The following DDR2 variants were observed in gnomAD, a reference collection of about 807,000 sequenced individuals.
DDR2 encodes discoidin domain receptor tyrosine kinase 2.
A neutral mutation model predicts 94.9 loss-of-function variants in DDR2; 27 were observed. That is an observed-to-expected ratio of 0.28 (90% CI 0.21 to 0.39). DDR2 has a LOEUF of 0.39. Ranked by LOEUF, DDR2 falls within the 10% of genes least tolerant of loss-of-function variation. DDR2 has a pLI of 1.00. For missense variants in DDR2, 783 were observed against 1,076.0 expected (o/e 0.73, Z 3.81); for synonymous variants, 382 against 377.2 (o/e 1.01, Z -0.15).
chr1:162,767,224 C>T lies in DDR2; in HGVS notation c.1163-5C>T. 1 of 1,614,014 alleles carries T rather than the reference C, an allele frequency of 6.2e-7. No homozygotes were observed. The highest frequency in any genetic ancestry group is 8.5e-7 in the Non-Finnish European group (1 of 1,179,968). On this transcript the variant is annotated splice_polypyrimidine_tract_variant and splice_region_variant and intron_variant, in intron 10 of 17. Coordinates refer to ENST00000367921, the MANE Select transcript of DDR2 (RefSeq NM_006182.4). ...GTATTCTCTGCCTTCTCTCCCTGGT[C>T]ACAGATCCAATGCTTAAAGTTGATG...
Position 162,642,571 on chromosome 1 carries a change from T to C in DDR2, c.-192+9940T>C, listed in dbSNP as rs1571134560. ...TCCCAAAATGCTGGGATTACAGGCG[T>C]GAGCCACCGTGCCTGGCCTGTTTTA... is the stretch of plus-strand genomic sequence containing the variant. On this transcript the variant is annotated intron_variant, in intron 1 of 17. Coordinates refer to ENST00000367921, the MANE Select transcript of DDR2 (RefSeq NM_006182.4). Among the ~76,000 whole-genome samples the C allele has an allele frequency of 5.9e-5, 9 of 152,012 alleles. 1 individual carries two copies. Among genetic ancestry groups the C allele is most frequent in the Admixed American group, 5.9e-4 (9 of 15,264 alleles).
Position 162,756,202 on chromosome 1 carries a change from G to T in DDR2, c.671+433G>T, listed in dbSNP as rs182758840. ...TATACATATAAATGCTTTGAAATTTGTAAAAAGGGGACTAGTAAGACTTAC... is the reference window on the plus strand; with the variant it reads ...TATACATATAAATGCTTTGAAATTTTTAAAAAGGGGACTAGTAAGACTTAC... On this transcript the variant is annotated intron_variant, in intron 7 of 17. Coordinates refer to ENST00000367921, the MANE Select transcript of DDR2 (RefSeq NM_006182.4). Among the ~76,000 whole-genome samples, 87 of 152,284 alleles carry T rather than the reference G, an allele frequency of 5.7e-4. 1 individual carries two copies. The highest frequency in any genetic ancestry group is 1.9e-3 in the African/African-American group (80 of 41,582).
chr1:162,770,205 G>C, intron 11 of DDR2, 97 bp from the exon 12 acceptor site: 1 of 1,211,006 alleles, frequency 8.3e-7, no homozygotes, highest in East Asian at 2.3e-5. Flanking sequence ...GTAGTAAAGA[G>C]TTATTTCATT....
chr1:162,661,241 C>A (rs921700655), intron 2 of DDR2, among the ~76,000 whole-genome samples: 12 of 152,166 alleles, frequency 7.9e-5, no homozygotes, highest in African/African-American at 2.4e-4. Flanking sequence ...ACTCCCTCCT[C>A]CACAAATTGA....
At chr1:162,701,299 C>G (rs994250104) in intron 2 of DDR2, among the ~76,000 whole-genome samples, 2 of 152,188 alleles carry the variant, frequency 1.3e-5, no homozygotes, top group African/African-American at 4.8e-5. Flanking sequence ...GCCTGATATC[C>G]TAGTTTTGCC....
At chr1:162,648,721 A>G (rs1312197644) in intron 1 of DDR2, among the ~76,000 whole-genome samples, 1 of 152,102 alleles carries the variant, frequency 6.6e-6, no homozygotes, top group African/African-American at 2.4e-5. Flanking sequence ...GTGCAGAAAG[A>G]AAAGCCAGAG....
intron 14 of DDR2, among the ~76,000 whole-genome samples, chr1:162,774,462 G>T (rs1647411064): frequency 6.6e-6 from 1 of 152,120 alleles, no homozygotes; most frequent in African/African-American, 2.4e-5. Flanking sequence ...GTCTTGCAAT[G>T]GACAAGATGT....
rs572206919 is a variant in DDR2, at chr1:162,785,137, A to T, written c.*4891A>T. ...AACAATCCAAGACAAACTTAGAAAG[A>T]TTAGGCAACACAAAACACAGTAAGA... On this transcript the variant is annotated 3_prime_UTR_variant, in exon 18 of 18. Transcript: ENST00000367921. 5.7e-4 allele frequency: 87 copies of T among 152,354 alleles called. No individual in the cohort carries two copies. Among genetic ancestry groups the T allele is most frequent in the African/African-American group, 2.0e-3 (84 of 41,588 alleles). The allele number at this position is 152,354 out of a possible 1,614,324, so 9.4% of individuals were successfully genotyped here. A position where few individuals can be genotyped will look rare whatever the true frequency, so the allele number is the denominator to read the frequency against.
chr1:162,679,450 G>C (rs1355360892), intron 2 of DDR2, among the ~76,000 whole-genome samples: 1 of 152,160 alleles, frequency 6.6e-6, no homozygotes, highest in African/African-American at 2.4e-5. Flanking sequence ...GGAGCCTCCA[G>C]CTCCATCCAT....
At chr1:162,765,663 T>A (rs1663954267) in intron 9 of DDR2, among the ~76,000 whole-genome samples, 1 of 151,690 alleles carries the variant, frequency 6.6e-6, no homozygotes, top group South Asian at 2.1e-4. Flanking sequence ...ATTTACCCGC[T>A]ATATTCTGTC....
chr1:162,711,324 A>G (rs542450184), intron 2 of DDR2, among the ~76,000 whole-genome samples: 3 of 152,338 alleles, frequency 2.0e-5, no homozygotes, highest in Admixed American at 6.5e-5. Context: ...ATATTTTTAT[A>G]TACTGAATGT....
chr1:162,761,251 T>C lies in DDR2; in HGVS notation c.896T>C (p.Phe299Ser), dbSNP rs140918772. The stretch of plus-strand genomic sequence containing the variant: ...ATGTTTGCTAAAGGTGTGAAGATCT[T>C]TAAGGAGGTACAGTGCTACTTCCGC... Reference protein sequence around the residue: ...NNMFAKGVKIFKEVQCYFRSE... With the variant: ...NNMFAKGVKISKEVQCYFRSE... Residue 299 changes from phenylalanine to serine, a missense_variant, in exon 9 of 18, where the codon TTT becomes TCT. Phe to Ser is a radical substitution (Grantham distance 155). Around this residue, in one of 2 missense-constraint regions of DDR2, gnomAD observed 519 missense variants for 647.9 expected, o/e 0.80. Transcript: ENST00000367921. 6.2e-7 allele frequency: 1 copy of C among 1,613,988 alleles called. No individual in the cohort carries two copies. The highest frequency in any genetic ancestry group is 2.2e-5 in the East Asian group (1 of 44,860).
At chr1:162,657,439 T>G (rs1658050509) in intron 2 of DDR2, among the ~76,000 whole-genome samples, 2 of 152,178 alleles carry the variant, frequency 1.3e-5, no homozygotes, top group Non-Finnish European at 2.9e-5. Context: ...CAGCATCCAA[T>G]CTGGAGAACT....
intron 2 of DDR2, among the ~76,000 whole-genome samples, chr1:162,681,738 C>T (rs74458927): frequency 0.042 from 6,449 of 152,176 alleles, 206 homozygotes; most frequent in East Asian, 0.14. Context: ...GAGCTCTGTC[C>T]TCATGATCTA....
chr1:162,777,235 C>T (rs925260870), intron 16 of DDR2, among the ~76,000 whole-genome samples: 2 of 151,912 alleles, frequency 1.3e-5, no homozygotes, highest in African/African-American at 4.8e-5. Flanking sequence ...TATATTTTTT[C>T]TATGCATGCA....
intron 2 of DDR2, among the ~76,000 whole-genome samples, chr1:162,670,985 C>T (rs1042068900): frequency 6.6e-6 from 1 of 152,184 alleles, no homozygotes; most frequent in Non-Finnish European, 1.5e-5. Flanking sequence ...TGTATTTAAC[C>T]TTTTCTTCAT....
intron 16 of DDR2, chr1:162,777,659 A>T (rs1269000822): frequency 1.3e-5 from 2 of 152,272 alleles, no homozygotes; most frequent in East Asian, 3.9e-4. Flanking sequence ...TCCACTACTA[A>T]TGGTCTTATT....
chr1:162,709,659 G>T (rs1660809653), intron 2 of DDR2, among the ~76,000 whole-genome samples: 1 of 152,190 alleles, frequency 6.6e-6, no homozygotes, highest in Non-Finnish European at 1.5e-5. Context: ...ATGACCTTCT[G>T]CTCACCAGCA....
At chr1:162,743,002 T>C (rs1015325012) in intron 3 of DDR2, among the ~76,000 whole-genome samples, 5 of 152,092 alleles carry the variant, frequency 3.3e-5, no homozygotes, top group African/African-American at 1.2e-4. Flanking sequence ...GTGGGAACTC[T>C]GGGAGATACA....
Sources: gnomAD v4.1 joint callset for allele counts (sites outside exome capture counted in the v4.1 genomes callset) on GRCh38, gnomAD v4.1.1 for gene constraint, gnomAD v4.1.1 regional missense constraint, MANE v1.5 for transcripts, NCBI Gene and HGNC (gene_info 2026-07-23, HGNC 2026-07-21) for gene names.